Variants in YAP1 observed in about 807,000 individuals in gnomAD.
The protein encoded by YAP1 is Yes1 associated transcriptional regulator.
A neutral mutation model predicts 56.9 loss-of-function variants in YAP1; 5 were observed. That is an observed-to-expected ratio of 0.09 (90% confidence interval 0.05 to 0.18). The LOEUF (loss-of-function observed/expected upper bound fraction) is 0.18. YAP1 is among the 10% of genes least tolerant of loss of function. The probability of loss-of-function intolerance (pLI) is 1.00; values close to 1 mark genes in which losing one functional copy is unlikely to be tolerated. For synonymous variants in YAP1, 265 were observed against 248.1 expected (o/e 1.07, Z -0.64); for missense variants, 539 against 651.8 (o/e 0.83, Z 1.88).
intron 3 of YAP1, among the ~76,000 whole-genome samples, chr11:102,163,044 C>G (rs76647146): frequency 0.011 from 1,557 of 137,142 alleles, 13 homozygotes; most frequent in Middle Eastern, 0.031. Context: ...GTTATTCATT[C>G]TACTCTGAAA....
chr11:102,111,137 A>G lies in YAP1; in HGVS notation c.289A>G (p.Lys97Glu). The G allele has an allele frequency of 1.2e-6, 2 of 1,613,004 alleles. No individual in the cohort carries two copies. The highest frequency in any genetic ancestry group is 8.5e-7 in the Non-Finnish European group (1 of 1,179,772). ...RLRKLPDSFF[K>E]PPEPKSHSRQ... ...CCGGAAGCTGCCCGACTCCTTCTTC[A>G]AGCCGCCGGAGCCCAAATCCCACTC... Residue 97 changes from lysine to glutamate, a missense_variant, in exon 1 of 9, where the codon AAG becomes GAG. Coordinates refer to ENST00000282441, the MANE Select transcript of YAP1 (RefSeq NM_001130145.3).
intron 4 of YAP1, among the ~76,000 whole-genome samples, chr11:102,197,140 T>C (rs555567249): frequency 6.6e-6 from 1 of 152,316 alleles, no homozygotes; most frequent in Non-Finnish European, 1.5e-5. Flanking sequence ...AGTCTACTGT[T>C]TTGTAGTTTT....
intron 2 of YAP1, among the ~76,000 whole-genome samples, chr11:102,151,528 A>G (rs1258979038): frequency 1.3e-5 from 2 of 152,034 alleles, no homozygotes; most frequent in Non-Finnish European, 2.9e-5. Context: ...TTTTATATTC[A>G]TTTATAGATC....
chr11:102,136,732 T>G (rs748830365), intron 2 of YAP1, among the ~76,000 whole-genome samples: 58 of 152,152 alleles, frequency 3.8e-4, no homozygotes, highest in Non-Finnish European at 7.6e-4. Flanking sequence ...AGTGTAGGAG[T>G]TTTTTTCTCA....
At chr11:102,141,920 C>T (rs553022963) in intron 2 of YAP1, among the ~76,000 whole-genome samples, 6 of 152,188 alleles carry the variant, frequency 3.9e-5, no homozygotes, top group South Asian at 4.1e-4. Flanking sequence ...TTGTAAAATT[C>T]GGGGATTGGA....
chr11:102,150,802 G>T (rs1384954813), intron 2 of YAP1, among the ~76,000 whole-genome samples: 15 of 108,050 alleles, frequency 1.4e-4, no homozygotes, highest in East Asian at 2.9e-4. Context: ...CATACAAATG[G>T]TTTTTTTTTT....
chr11:102,159,016 T>C (rs192070159), intron 2 of YAP1, among the ~76,000 whole-genome samples: 712 of 152,350 alleles, frequency 4.7e-3, no homozygotes, highest in Non-Finnish European at 8.2e-3. Context: ...AAGTAAAAAT[T>C]GATTGTATGG....
intron 4 of YAP1, among the ~76,000 whole-genome samples, chr11:102,190,728 A>C (rs1363988915): frequency 6.6e-6 from 1 of 152,152 alleles, no homozygotes; most frequent in Admixed American, 6.5e-5. Flanking sequence ...ACTTTAGGTA[A>C]GGAGTTCAAG....
At chr11:102,177,926 G>T (rs1291212792) in intron 3 of YAP1, among the ~76,000 whole-genome samples, 1 of 152,146 alleles carries the variant, frequency 6.6e-6, no homozygotes, top group Non-Finnish European at 1.5e-5. Context: ...ATTACTGTTT[G>T]TCATAATTGT....
At chr11:102,199,757 T>C (rs1266887872) in intron 4 of YAP1, among the ~76,000 whole-genome samples, 1 of 152,152 alleles carries the variant, frequency 6.6e-6, no homozygotes, top group African/African-American at 2.4e-5. Flanking sequence ...TAGGGGCCAT[T>C]TGGCTCCTGA....
chr11:102,131,781 A>T (rs1591169409), intron 2 of YAP1, among the ~76,000 whole-genome samples: 2 of 152,168 alleles, frequency 1.3e-5, no homozygotes, highest in African/African-American at 4.8e-5. Context: ...AGGAACTATT[A>T]AAAAAGGGTA....
chr11:102,154,807 A>G (rs894596000), intron 2 of YAP1, among the ~76,000 whole-genome samples: 4 of 152,226 alleles, frequency 2.6e-5, no homozygotes, highest in African/African-American at 9.6e-5. Context: ...ATGTGTTACT[A>G]ACAGTTGAAA....
intron 2 of YAP1, among the ~76,000 whole-genome samples, chr11:102,123,728 C>T (rs1943844547): frequency 6.6e-6 from 1 of 150,732 alleles, no homozygotes; most frequent in South Asian, 2.1e-4. Context: ...CAAGCTCCAC[C>T]TCCTGGGTTC....
chr11:102,207,369 C>G (rs955604331), intron 5 of YAP1, among the ~76,000 whole-genome samples: 1 of 151,846 alleles, frequency 6.6e-6, no homozygotes, highest in African/African-American at 2.4e-5. Context: ...CTAGCTAAAT[C>G]ACAGCATGCT....
intron 4 of YAP1, among the ~76,000 whole-genome samples, chr11:102,194,064 C>T (rs942563066): frequency 4.6e-5 from 7 of 152,148 alleles, no homozygotes; most frequent in Non-Finnish European, 8.8e-5. Flanking sequence ...CTCGGCCTCC[C>T]GAAGTGCTGG....
Position 102,111,244 on chromosome 11 carries a change from C to A in YAP1, c.321+75C>A, listed in dbSNP as rs1256337782. 10 of 1,566,424 alleles carry A rather than the reference C, an allele frequency of 6.4e-6. No individual in the cohort carries two copies. The East Asian group carries it at 2.3e-4, about 36-fold the overall frequency. On this transcript the variant is annotated intron_variant, in intron 1 of 8. Coordinates refer to ENST00000282441, the MANE Select transcript of YAP1 (RefSeq NM_001130145.3). ...CGGGGGGGCGCTCGGGAGCCGCGGC[C>A]GCCAGCTCTGGTCAGGGGAGGGGGG... is the stretch of plus-strand genomic sequence containing the variant.
chr11:102,195,950 A>G (rs1948551392), intron 4 of YAP1, among the ~76,000 whole-genome samples: 1 of 152,318 alleles, frequency 6.6e-6, no homozygotes, highest in Middle Eastern at 3.4e-3. Flanking sequence ...GTCCCCACAT[A>G]TTGATCATTA....
At chr11:102,119,090 A>G (rs1428839904) in intron 2 of YAP1, among the ~76,000 whole-genome samples, 6 of 151,476 alleles carry the variant, frequency 4.0e-5, no homozygotes, top group East Asian at 2.0e-4. Context: ...TTGTCTTGCT[A>G]TTGAGGCTGA....
At chr11:102,131,972 G>C (rs1462529166) in intron 2 of YAP1, among the ~76,000 whole-genome samples, 1 of 152,088 alleles carries the variant, frequency 6.6e-6, no homozygotes, top group African/African-American at 2.4e-5. Flanking sequence ...AGAAAAATTA[G>C]CTGGGCACAG....
Sources: gnomAD v4.1 joint callset for allele counts (sites outside exome capture counted in the v4.1 genomes callset) on GRCh38, gnomAD v4.1.1 for gene constraint, MANE v1.5 for transcripts, NCBI Gene and HGNC (gene_info 2026-07-23, HGNC 2026-07-21) for gene names.